PID1: variants seen among roughly 807,000 people sequenced by gnomAD.
PID1 encodes the protein phosphotyrosine interaction domain containing 1, also known as PTB-containing, cubilin and LRP1-interacting protein.
PID1 carries 10 observed loss-of-function variants against 19.1 expected under a neutral mutation model. The observed-to-expected ratio is 0.52, with a 90% CI of 0.32 to 0.89. PID1 has a LOEUF of 0.89. Ranked by LOEUF, PID1 falls within the 40% of genes least tolerant of loss-of-function variation. The probability of loss-of-function intolerance (pLI) is 0.03; values close to 1 mark genes in which losing one functional copy is unlikely to be tolerated. For synonymous variants in PID1, 130 were observed against 116.0 expected (o/e 1.12, Z -0.78); for missense variants, 248 against 285.3 (o/e 0.87, Z 0.94).
chr2:229,261,847 C>G (rs1690468407), intron 1 of PID1, among the ~76,000 whole-genome samples: 1 of 150,148 alleles, frequency 6.7e-6, no homozygotes, highest in South Asian at 2.1e-4. Context: ...CTGGCTGTAT[C>G]AAAAAAAGAC....
intron 2 of PID1, among the ~76,000 whole-genome samples, chr2:229,094,636 A>G (rs1279936489): frequency 6.6e-6 from 1 of 152,100 alleles, no homozygotes; most frequent in African/African-American, 2.4e-5. Flanking sequence ...ATAAAGACAG[A>G]TACAACCAAT....
At chr2:229,156,112 G>C (rs1385368728) in intron 1 of PID1, 148 bp from the exon 2 acceptor site, 6 of 659,124 alleles carry the variant, frequency 9.1e-6, no homozygotes, top group South Asian at 1.9e-5. Context: ...AGAGGAGGGG[G>C]AACTGTGTCC....
intron 2 of PID1, among the ~76,000 whole-genome samples, chr2:229,083,379 A>G (rs1294492918): frequency 1.3e-5 from 2 of 152,206 alleles, no homozygotes; most frequent in Non-Finnish European, 2.9e-5. Flanking sequence ...CATGTCAGGC[A>G]AAACATTAAA....
intron 1 of PID1, among the ~76,000 whole-genome samples, chr2:229,180,899 G>A (rs62190430): frequency 2.0e-5 from 3 of 152,114 alleles, no homozygotes; most frequent in Non-Finnish European, 4.4e-5. Flanking sequence ...CGACTGACCC[G>A]TGTTCAACTG....
At chr2:229,026,794 T>C (rs1693433752) in intron 2 of PID1, among the ~76,000 whole-genome samples, 1 of 152,150 alleles carries the variant, frequency 6.6e-6, no homozygotes, top group Non-Finnish European at 1.5e-5. Flanking sequence ...GAATCAAGAG[T>C]AGAATGCTGG....
chr2:229,197,067 C>T (rs545909928), intron 1 of PID1, among the ~76,000 whole-genome samples: 1 of 152,136 alleles, frequency 6.6e-6, no homozygotes, highest in Non-Finnish European at 1.5e-5. Flanking sequence ...CTGTAACAAG[C>T]ATGCCCTTTT....
chr2:229,247,966 C>T (rs1330239380), intron 1 of PID1, among the ~76,000 whole-genome samples: 3 of 152,144 alleles, frequency 2.0e-5, no homozygotes, highest in African/African-American at 7.2e-5. Flanking sequence ...CCTCTTCCTT[C>T]TCATCCTCCT....
intron 1 of PID1, among the ~76,000 whole-genome samples, chr2:229,229,549 T>C (rs1181593989): frequency 6.6e-6 from 1 of 152,128 alleles, no homozygotes; most frequent in Non-Finnish European, 1.5e-5. Context: ...AGTGGAAGGA[T>C]CGCCTGAGCC....
At chr2:229,118,968 C>G (rs758143830) in intron 2 of PID1, among the ~76,000 whole-genome samples, 3 of 152,170 alleles carry the variant, frequency 2.0e-5, no homozygotes, top group Non-Finnish European at 4.4e-5. Context: ...CAAAAAAATT[C>G]CAACTGGGGC....
At chr2:229,159,375 G>T (rs549274749) in intron 1 of PID1, among the ~76,000 whole-genome samples, 24 of 152,280 alleles carry the variant, frequency 1.6e-4, no homozygotes, top group Admixed American at 1.4e-3. Context: ...TTGTAGATGT[G>T]ATTAAAGTCC....
At chr2:229,181,063 TCTTTC>T (rs1408509251) in intron 1 of PID1, among the ~76,000 whole-genome samples, 1 of 152,232 alleles carries the variant, frequency 6.6e-6, no homozygotes, top group Non-Finnish European at 1.5e-5. Flanking sequence ...TCTCTGTGTC[TCTTTC>T]TTTTCCAAGT....
At chr2:229,161,877 T>A (rs1296870563) in intron 1 of PID1, among the ~76,000 whole-genome samples, 1 of 152,240 alleles carries the variant, frequency 6.6e-6, no homozygotes, top group African/African-American at 2.4e-5. Context: ...ATCTGTCAAC[T>A]TTAAAATGTT....
intron 2 of PID1, among the ~76,000 whole-genome samples, chr2:229,045,150 T>G (rs1406291284): frequency 6.6e-6 from 1 of 152,120 alleles, no homozygotes; most frequent in African/African-American, 2.4e-5. Flanking sequence ...GATGGGGTTT[T>G]GCCATGTTGG....
At chr2:229,250,527 T>A (rs993923351) in intron 1 of PID1, among the ~76,000 whole-genome samples, 1 of 152,216 alleles carries the variant, frequency 6.6e-6, no homozygotes, top group Non-Finnish European at 1.5e-5. Context: ...TCTGGGGATA[T>A]CGCATCTTCC....
At chr2:229,035,162 T>C (rs1436495567) in intron 2 of PID1, among the ~76,000 whole-genome samples, 1 of 152,194 alleles carries the variant, frequency 6.6e-6, no homozygotes, top group Non-Finnish European at 1.5e-5. Flanking sequence ...GTATTCTTTT[T>C]TAGATGTGAT....
At chr2:229,093,007 T>C (rs533861417) in intron 2 of PID1, among the ~76,000 whole-genome samples, 1 of 152,302 alleles carries the variant, frequency 6.6e-6, no homozygotes, top group East Asian at 1.9e-4. Flanking sequence ...AATGCCCAAG[T>C]CAGACTGTGG....
chr2:229,139,781 C>T (rs569049846), intron 2 of PID1, among the ~76,000 whole-genome samples: 1 of 152,092 alleles, frequency 6.6e-6, no homozygotes, highest in Non-Finnish European at 1.5e-5. Context: ...CTTATCTCTC[C>T]CTTGATATAA....
At chr2:229,189,159 A>G (rs1474927408) in intron 1 of PID1, among the ~76,000 whole-genome samples, 1 of 152,216 alleles carries the variant, frequency 6.6e-6, no homozygotes, top group East Asian at 1.9e-4. Context: ...TGTTCTTGCA[A>G]AAGAGTGCCT....
At chr2:229,116,163 C>T (rs979776006) in intron 2 of PID1, among the ~76,000 whole-genome samples, 1 of 152,030 alleles carries the variant, frequency 6.6e-6, no homozygotes, top group African/African-American at 2.4e-5. Flanking sequence ...GGAGGTGGAG[C>T]TTGCAGTGAG....
Sources: gnomAD v4.1 joint callset for allele counts (sites outside exome capture counted in the v4.1 genomes callset) on GRCh38, gnomAD v4.1.1 for gene constraint, MANE v1.5 for transcripts, NCBI Gene and HGNC (gene_info 2026-07-23, HGNC 2026-07-21) for gene names.